RHOBTB1: variants seen among roughly 807,000 people sequenced by gnomAD.
RHOBTB1 encodes Rho related BTB domain containing 1, also known as rho-related BTB domain-containing protein 1.
RHOBTB1 carries 40 observed loss-of-function variants against 71.6 expected under a neutral mutation model. The observed-to-expected ratio is 0.56, with a 90% CI of 0.43 to 0.73. The LOEUF (loss-of-function observed/expected upper bound fraction) is 0.73, where lower values mean the gene tolerates loss of function less well. Ranked by LOEUF, RHOBTB1 falls within the 30% of genes least tolerant of loss-of-function variation. The probability of loss-of-function intolerance (pLI) is 0.00; values close to 1 mark genes in which losing one functional copy is unlikely to be tolerated. For synonymous variants in RHOBTB1, 319 were observed against 334.9 expected (o/e 0.95, Z 0.52); for missense variants, 797 against 894.0 (o/e 0.89, Z 1.38).
chr10:60,948,749 AC>A (rs2085316722), upstream of RHOBTB1, among the ~76,000 whole-genome samples: 2 of 152,216 alleles, frequency 1.3e-5, no homozygotes, highest in South Asian at 4.1e-4. Context: ...ATATTGGGAA[AC>A]AGTTGTTGGA....
At chr10:60,980,864 T>C (rs2086472653) in intron 2 of RHOBTB1, among the ~76,000 whole-genome samples, 2 of 152,142 alleles carry the variant, frequency 1.3e-5, no homozygotes, top group South Asian at 4.1e-4. Context: ...AATTTCATAG[T>C]AGGAATGCCC....
At chr10:60,877,670 C>T (rs1487650448) in intron 8 of RHOBTB1, among the ~76,000 whole-genome samples, 2 of 152,206 alleles carry the variant, frequency 1.3e-5, no homozygotes, top group African/African-American at 4.8e-5. Flanking sequence ...TCATGCATTA[C>T]TCACCTTCAT....
intron 1 of RHOBTB1, among the ~76,000 whole-genome samples, chr10:60,995,872 G>A (rs879463159): frequency 6.6e-6 from 1 of 151,902 alleles, no homozygotes; most frequent in Non-Finnish European, 1.5e-5. Flanking sequence ...GTTCAAGCAG[G>A]TTGCTGAGAC....
chr10:60,893,785 T>G (rs1228203336), intron 4 of RHOBTB1, among the ~76,000 whole-genome samples: 1 of 152,192 alleles, frequency 6.6e-6, no homozygotes, highest in African/African-American at 2.4e-5. Flanking sequence ...ACATAATAAC[T>G]TACCATTCTA....
downstream of RHOBTB1, among the ~76,000 whole-genome samples, chr10:60,865,863 G>A (rs1219768731): frequency 2.6e-5 from 4 of 151,992 alleles, no homozygotes; most frequent in South Asian, 4.2e-4. Context: ...ACATAGTCTC[G>A]CTCTGTCACC....
intron 2 of RHOBTB1, among the ~76,000 whole-genome samples, chr10:60,961,233 A>G (rs995826535): frequency 2.6e-5 from 4 of 152,150 alleles, no homozygotes; most frequent in African/African-American, 9.7e-5. Context: ...GTGAACATAT[A>G]GGAAACCTTG....
chr10:60,961,120 G>C (rs1421628768), intron 2 of RHOBTB1, among the ~76,000 whole-genome samples: 3 of 152,100 alleles, frequency 2.0e-5, no homozygotes, highest in Non-Finnish European at 4.4e-5. Context: ...AAAGGACCCT[G>C]GGGCTTCCCA....
intron 2 of RHOBTB1, among the ~76,000 whole-genome samples, chr10:60,929,601 T>C (rs1232035883): frequency 6.6e-6 from 1 of 152,202 alleles, no homozygotes; most frequent in East Asian, 1.9e-4. Flanking sequence ...CATAGTTATT[T>C]TGAATTTAGT....
intron 2 of RHOBTB1, among the ~76,000 whole-genome samples, chr10:60,929,624 T>G (rs1375082727): frequency 6.6e-6 from 1 of 152,118 alleles, no homozygotes; most frequent in Non-Finnish European, 1.5e-5. Flanking sequence ...CAAAATGGTA[T>G]AGAAAAATTA....
chr10:60,878,827 G>A (rs2081172317), intron 7 of RHOBTB1, among the ~76,000 whole-genome samples: 1 of 152,194 alleles, frequency 6.6e-6, no homozygotes, highest in Non-Finnish European at 1.5e-5. Context: ...GTGGAGAGCT[G>A]TAGAGGTGGG....
rs148419691 is a variant in RHOBTB1, at chr10:60,973,155, G to A, written c.-62+12690C>T. ...TGGACTGCCTCAAATATAAAGGTAA[G>A]CAATTATTAAGAAAATTACTTCTGA... On this transcript the variant is annotated intron_variant, in intron 2 of 11. Transcript: ENST00000357917. Among the ~76,000 whole-genome samples, 969 of 151,976 alleles carry A rather than the reference G, an allele frequency of 6.4e-3. 12 individuals are homozygous for A. The highest frequency in any genetic ancestry group is 0.022 in the African/African-American group (917 of 41,466).
chr10:60,864,235 A>T, the RHOBTB1 span, among the ~76,000 whole-genome samples: 3 of 152,106 alleles, frequency 2.0e-5, no homozygotes, highest in Non-Finnish European at 2.9e-5. Flanking sequence ...TGGGGAACTC[A>T]CTATCCTCCC....
intron 6 of RHOBTB1, among the ~76,000 whole-genome samples, chr10:60,886,916 T>G (rs1352763501): frequency 6.6e-6 from 1 of 152,034 alleles, no homozygotes; most frequent in Non-Finnish European, 1.5e-5. Context: ...ACTTCACTCC[T>G]AACTACCTTA....
At chr10:60,871,910 C>T (rs1431795901) in intron 10 of RHOBTB1, 1 of 604,330 alleles carries the variant, frequency 1.7e-6, no homozygotes, top group Non-Finnish European at 2.9e-6. Flanking sequence ...AGCTTGTCTC[C>T]CTAAACAAGG....
At chr10:60,990,781 T>C (rs1475129814) in intron 1 of RHOBTB1, among the ~76,000 whole-genome samples, 1 of 152,230 alleles carries the variant, frequency 6.6e-6, no homozygotes, top group Non-Finnish European at 1.5e-5. Context: ...ACTTGCTTCA[T>C]TATCTTTCTC....
At chr10:60,960,599 T>G (rs1485640246) in intron 2 of RHOBTB1, among the ~76,000 whole-genome samples, 1 of 152,206 alleles carries the variant, frequency 6.6e-6, no homozygotes, top group African/African-American at 2.4e-5. Context: ...TATTCTTGAG[T>G]GGGGTTTAAG....
At chr10:60,865,156 G>GAAACT (rs1423114094), downstream of RHOBTB1, among the ~76,000 whole-genome samples, 1 of 152,202 alleles carries the variant, frequency 6.6e-6, no homozygotes, top group Non-Finnish European at 1.5e-5. Context: ...GGGGGGACAG[G>GAAACT]AAACTAGGAG....
At chr10:60,942,809 T>C (rs952033594) in intron 1 of RHOBTB1, among the ~76,000 whole-genome samples, 1 of 151,964 alleles carries the variant, frequency 6.6e-6, no homozygotes, top group Non-Finnish European at 1.5e-5. Flanking sequence ...CTATTTACTA[T>C]CTGCTGCTCG....
At chr10:60,955,136 C>G (rs1387156857) in intron 2 of RHOBTB1, among the ~76,000 whole-genome samples, 1 of 150,856 alleles carries the variant, frequency 6.6e-6, no homozygotes, top group Non-Finnish European at 1.5e-5. Flanking sequence ...CCTCCACTTC[C>G]TGGGTTCAAG....
Sources: allele counts gnomAD v4.1 joint callset (sites outside exome capture counted in the v4.1 genomes callset), GRCh38; gene constraint gnomAD v4.1.1; transcripts MANE v1.5; gene names NCBI Gene and HGNC (gene_info 2026-07-23, HGNC 2026-07-21).